The following IL6ST variants were observed in gnomAD, a reference collection of about 807,000 sequenced individuals.
IL6ST encodes the protein interleukin 6 cytokine family signal transducer.
In IL6ST, 24 loss-of-function variants were observed where a neutral mutation model predicts 91.3. That is an observed-to-expected ratio of 0.26 (90% CI 0.19 to 0.37). IL6ST has a LOEUF of 0.37. IL6ST is among the 10% of genes least tolerant of loss of function. IL6ST has a pLI of 1.00. For synonymous variants in IL6ST, 351 were observed against 373.6 expected, an observed-to-expected ratio of 0.94 and a Z score of 0.70; for missense variants, 914 against 1,078.5, an observed-to-expected ratio of 0.85 and a Z score of 2.14.
At position 55,935,313 on chromosome 5, in the gene IL6ST, C is replaced by CA. The variant is rs1491075238; in HGVS notation, c.*5768dup. 1.0e-5 allele frequency: 2 copies of CA among 195,912 alleles called. No individual in the cohort carries two copies. The highest frequency in any genetic ancestry group is 2.1e-5 in the Non-Finnish European group (2 of 94,350). 12.1% of individuals were successfully genotyped at this position (195,912 alleles called of 1,614,324 possible). On this transcript the variant is annotated 3_prime_UTR_variant, in exon 17 of 17. Transcript: ENST00000381298. ...ACATGTAAAATGACATAACCATAGT[C>CA]ACAGGGAATAAAGAATCAGGTTTGA... is the stretch of plus-strand genomic sequence containing the variant.
At chr5:55,950,535 C>CAAAAAAAAAAAAA (rs70995750) in intron 14 of IL6ST, among the ~76,000 whole-genome samples, 2 of 29,364 alleles carry the variant, frequency 6.8e-5, no homozygotes, top group Non-Finnish European at 1.5e-4. Flanking sequence ...GACTCTGTCT[C>CAAAAAAAAAAAAA]AAAAAAAAAA....
At chr5:55,956,393 A>C (rs887639087) in intron 9 of IL6ST, among the ~76,000 whole-genome samples, 158 bp from the exon 10 acceptor site, 1 of 152,224 alleles carries the variant, frequency 6.6e-6, no homozygotes, top group Non-Finnish European at 1.5e-5. Context: ...TCTAAAATAA[A>C]ACTAGTACAT....
In IL6ST at chr5:55,936,341, GT is replaced by G. The variant is rs57970223; in HGVS notation, c.*4740del. 0.24 allele frequency: 36,381 copies of G among 148,676 alleles called. 3,709 individuals carry two copies. The highest frequency in any genetic ancestry group is 0.28 in the Non-Finnish European group (20,685 of 74,776). 9.2% of individuals were successfully genotyped at this position (148,676 alleles called of 1,614,324 possible). A position where few individuals can be genotyped will look rare whatever the true frequency, so the allele number is the denominator to read the frequency against. On this transcript the variant is annotated 3_prime_UTR_variant, in exon 17 of 17. Transcript: ENST00000381298. ...ACTTGGGCTCTTGACAACCAAGTAG[GT>G]TTTTTTTTTTTTTTTTTTTTTTAAT...
At chr5:55,954,173 T>G (rs1473626745) in intron 11 of IL6ST, among the ~76,000 whole-genome samples, 1 of 152,182 alleles carries the variant, frequency 6.6e-6, no homozygotes, top group Non-Finnish European at 1.5e-5. Flanking sequence ...ATGGCAGGAA[T>G]CTCTCTGCTT....
chr5:55,963,409 A>G lies in IL6ST; in HGVS notation c.756T>C (p.Val252=), dbSNP rs1752445555. Residue 252 remains valine (V), a synonymous_variant, in exon 7 of 17, where the codon GTT becomes GTC. Transcript: ENST00000381298. ...LTWTNPSIKS[V]IILKYNIQYR... ...ATTGAATGTTATATTTTAGTATTAT[A>G]ACACTCTTAATACTTGGGTTGGTCC... is the stretch of plus-strand genomic sequence containing the variant. 1 of 1,598,036 alleles carries G rather than the reference A, an allele frequency of 6.3e-7. No homozygotes were observed. Among genetic ancestry groups the G allele is most frequent in the African/African-American group, 1.3e-5 (1 of 74,546 alleles).
chr5:55,938,330 G>C lies in IL6ST; in HGVS notation c.*2752C>G. 5.2e-6 allele frequency: 1 copy of C among 191,608 alleles called. No individual in the cohort carries two copies. The highest frequency in any genetic ancestry group is 1.1e-5 in the Non-Finnish European group (1 of 91,542). The allele number at this position is 191,608 out of a possible 1,614,324, so 11.9% of individuals were successfully genotyped here. ...TGCCGACTGATCCATAGTAAAAAAG[G>C]ACAAGATTAAAATTTTAGGTTTTAA... On this transcript the variant is annotated 3_prime_UTR_variant, in exon 17 of 17. Transcript: ENST00000381298.
chr5:55,968,130 A>G, intron 5 of IL6ST, 146 bp downstream of exon 5: 1 of 825,208 alleles, frequency 1.2e-6, no homozygotes, highest in Non-Finnish European at 1.8e-6. Context: ...CCTGGCCTCT[A>G]CTTTTACATA....
At chr5:55,950,427 G>A (rs755137902) in intron 14 of IL6ST, among the ~76,000 whole-genome samples, 7 of 150,872 alleles carry the variant, frequency 4.6e-5, no homozygotes, top group African/African-American at 1.5e-4. Flanking sequence ...CCCCAGCTAC[G>A]TGGGAGGCTG....
chr5:55,983,006 T>A (rs1753750100), intron 1 of IL6ST, among the ~76,000 whole-genome samples, 195 bp from the exon 2 acceptor site: 1 of 151,850 alleles, frequency 6.6e-6, no homozygotes, highest in African/African-American at 2.4e-5. Context: ...AGTGCTTTTT[T>A]TTTTTTTTTT....
chr5:55,979,582 T>G (rs1324210782), intron 2 of IL6ST, among the ~76,000 whole-genome samples: 1 of 152,184 alleles, frequency 6.6e-6, no homozygotes, highest in Non-Finnish European at 1.5e-5. Flanking sequence ...GCAACGAAAG[T>G]ATCGTCACAC....
intron 5 of IL6ST, 127 bp from the exon 6 acceptor site, chr5:55,964,439 G>A: frequency 9.2e-6 from 5 of 546,318 alleles, no homozygotes; most frequent in East Asian, 3.4e-5. Context: ...TATAACTGCT[G>A]GTCACTAACA....
Position 55,969,697 on chromosome 5 carries a change from G to A in IL6ST, c.223C>T (p.Pro75Ser), listed in dbSNP as rs554002581. Residue 75 changes from proline (P) to serine (S), a missense_variant, in exon 4 of 17, where the codon CCT becomes TCT. Coordinates refer to ENST00000381298, the MANE Select transcript of IL6ST (RefSeq NM_002184.4). The part of the protein sequence containing the change: ...IVWKTNHFTI[P>S]KEQYTIINRT... ...TTTATGATAGTATATTGCTCCTTAG[G>A]AATAGTAAAATGGTTTGTTTTCCAG... is the stretch of plus-strand genomic sequence containing the variant. The A allele has an allele frequency of 3.1e-6, 5 of 1,612,246 alleles. No homozygotes were observed. Among genetic ancestry groups the A allele is most frequent in the Non-Finnish European group, 4.2e-6 (5 of 1,178,422 alleles).
chr5:55,956,018 T>C lies in IL6ST; in HGVS notation c.1267+7A>G. Reference sequence around the variant, plus strand: ...CAAGAGTCAGGCTCCATCTCACAGATACAAACCTTGAAAGTCACAGGCAGG... The same window carrying C: ...CAAGAGTCAGGCTCCATCTCACAGACACAAACCTTGAAAGTCACAGGCAGG... On this transcript the variant is annotated splice_region_variant and intron_variant, in intron 10 of 16. Coordinates refer to ENST00000381298, the MANE Select transcript of IL6ST (RefSeq NM_002184.4). 2 of 1,603,000 alleles carry C rather than the reference T, an allele frequency of 1.2e-6. No individual in the cohort carries two copies. Among genetic ancestry groups the C allele is most frequent in the Non-Finnish European group, 1.7e-6 (2 of 1,169,934 alleles).
chr5:55,947,105 G>C lies in IL6ST; in HGVS notation c.1937+388C>G, dbSNP rs186341726. ...TGTAATCCTAGCTACTTTGAAGGCT[G>C]AGGCAGGAGTCTGAACCAGGGAGGC... On this transcript the variant is annotated intron_variant, in intron 15 of 16. Transcript: ENST00000381298. Among the ~76,000 whole-genome samples the C allele has an allele frequency of 1.4e-3, 208 of 152,244 alleles. No homozygotes were observed. The Middle Eastern group carries it at 0.017, about 12-fold the overall frequency.
chr5:55,951,715 AAAC>A, intron 13 of IL6ST, 111 bp from the exon 14 acceptor site: 12 of 1,064,794 alleles, frequency 1.1e-5, no homozygotes, highest in Non-Finnish European at 1.6e-5. Context: ...TTTTGTTGGA[AAAC>A]AACTTTTATA....
chr5:55,939,058 T>C lies in IL6ST; in HGVS notation c.*2024A>G, dbSNP rs558311993. On this transcript the variant is annotated 3_prime_UTR_variant, in exon 17 of 17. Coordinates refer to ENST00000381298, the MANE Select transcript of IL6ST (RefSeq NM_002184.4). ...CACACTACAACATTCTTCATGACAC[T>C]ATTTGTTATGAGGAAAGTTGCAGCT... is the stretch of plus-strand genomic sequence containing the variant. The C allele has an allele frequency of 5.3e-5, 11 of 205,872 alleles. No homozygotes were observed. In the Admixed American group the frequency reaches 5.9e-4, roughly 11 times the overall value. 12.8% of individuals were successfully genotyped at this position (205,872 alleles called of 1,614,324 possible). A position where few individuals can be genotyped will look rare whatever the true frequency, so the allele number is the denominator to read the frequency against.
rs1750786633 is a variant in IL6ST, at chr5:55,940,038, T to TACTC, written c.*1040_*1043dup. The TACTC allele has an allele frequency of 5.1e-6, 1 of 194,684 alleles. No homozygotes were observed. Among genetic ancestry groups the TACTC allele is most frequent in the African/African-American group, 2.4e-5 (1 of 42,356 alleles). The allele number at this position is 194,684 out of a possible 1,614,324, so 12.1% of individuals were successfully genotyped here. ...CCTACTTATTTAAAAATAAAAAAAATACTCAAAACAAATTTAAGCTGAAGA... is the reference window on the plus strand; with the variant it reads ...CCTACTTATTTAAAAATAAAAAAAATACTCACTCAAAACAAATTTAAGCTGAAGA... On this transcript the variant is annotated 3_prime_UTR_variant, in exon 17 of 17. Transcript: ENST00000381298.
At chr5:55,993,977 T>C (rs1405267527) in intron 1 of IL6ST, 2 of 147,802 alleles carry the variant, frequency 1.4e-5, no homozygotes, top group African/African-American at 5.1e-5. Context: ...TTCTAATAAC[T>C]AGTTATTTTA....
chr5:55,959,676 T>G (rs1580815826), intron 8 of IL6ST: 2 of 1,288,328 alleles, frequency 1.6e-6, no homozygotes, highest in Non-Finnish European at 2.0e-6. Context: ...CAAGTGCTAT[T>G]AGAAAAAAAA....
Sources: gnomAD v4.1 joint callset for allele counts (sites outside exome capture counted in the v4.1 genomes callset) on GRCh38, gnomAD v4.1.1 for gene constraint, MANE v1.5 for transcripts, NCBI Gene and HGNC (gene_info 2026-07-23, HGNC 2026-07-21) for gene names.